TRPC4: variants seen among roughly 807,000 people sequenced by gnomAD.
TRPC4 encodes the protein short transient receptor potential channel 4.
Under a neutral mutation model 99.4 loss-of-function variants are expected in TRPC4, and 49 were observed. The ratio of observed to expected loss-of-function variants is 0.49; its 90% CI spans 0.39 to 0.63. The LOEUF (loss-of-function observed/expected upper bound fraction) is 0.63. Among genes scored for constraint, TRPC4 ranks in the 20% least tolerant of loss-of-function variants. TRPC4 has a pLI of 0.00. For missense variants in TRPC4, 898 were observed against 1,152.9 expected, an observed-to-expected ratio of 0.78 and a Z score of 3.20; for synonymous variants, 454 against 425.9, an observed-to-expected ratio of 1.07 and a Z score of -0.81.
At chr13:37,865,358 G>A (rs193135849) in intron 1 of TRPC4, among the ~76,000 whole-genome samples, 4 of 151,480 alleles carry the variant, frequency 2.6e-5, no homozygotes, top group Admixed American at 2.6e-4. Flanking sequence ...ATGGTCAAAA[G>A]GTTAGCATGA....
In TRPC4 at chr13:37,783,318, A is replaced by G. The variant is rs115933007; in HGVS notation, c.16T>C (p.Tyr6His). Residue 6 changes from tyrosine to histidine, a missense_variant, in exon 2 of 11, where the codon TAC (tyrosine) becomes CAC (histidine). This residue lies in a region of TRPC4 where 278 missense variants were observed against 346.6 expected (regional missense o/e 0.80). Transcript: ENST00000379705. The stretch of plus-strand genomic sequence containing the variant: ...TAGGGAGCATTAACATTTCTTTTGT[A>G]ATAGAACTGAGCCATGTTTCATGCC... MAQFY[Y>H]KRNVNAPYRD... 5.7e-6 allele frequency: 9 copies of G among 1,578,420 alleles called. No individual in the cohort carries two copies. Among genetic ancestry groups the G allele is most frequent in the African/African-American group, 5.5e-5 (4 of 73,168 alleles).
chr13:37,735,197 C>T (rs1333358), intron 3 of TRPC4, among the ~76,000 whole-genome samples: 53,077 of 151,824 alleles, frequency 0.35, 11,109 homozygotes, highest in Non-Finnish European at 0.48. Flanking sequence ...CTATGTCTAA[C>T]AGGGTGAGGA....
chr13:37,798,355 C>T (rs1405727315), intron 1 of TRPC4, among the ~76,000 whole-genome samples: 1 of 152,076 alleles, frequency 6.6e-6, no homozygotes, highest in Non-Finnish European at 1.5e-5. Context: ...AATTAAATTA[C>T]CCAAATCTAC....
intron 2 of TRPC4, among the ~76,000 whole-genome samples, chr13:37,768,562 C>T (rs1240165851): frequency 6.6e-6 from 1 of 151,148 alleles, no homozygotes; most frequent in African/African-American, 2.4e-5. Context: ...TGTTTAGAGT[C>T]AAGAATGAAA....
At chr13:37,780,188 A>G (rs866176622) in intron 2 of TRPC4, among the ~76,000 whole-genome samples, 5 of 152,108 alleles carry the variant, frequency 3.3e-5, no homozygotes, top group African/African-American at 1.2e-4. Flanking sequence ...GAGGATGACT[A>G]TGAAATCTTT....
chr13:37,674,443 T>A, intron 4 of TRPC4, 76 bp from the exon 5 acceptor site: 1 of 1,488,010 alleles, frequency 6.7e-7, no homozygotes. Context: ...ATTTAACAAT[T>A]ATAGATCTCG....
intron 1 of TRPC4, among the ~76,000 whole-genome samples, chr13:37,789,835 T>G (rs1957068067): frequency 1.3e-5 from 2 of 152,102 alleles, no homozygotes; most frequent in Non-Finnish European, 2.9e-5. Context: ...TCCTAAAATC[T>G]TCAGAATGGC....
intron 6 of TRPC4, among the ~76,000 whole-genome samples, chr13:37,660,446 GT>G (rs2138671715): frequency 6.6e-6 from 1 of 152,248 alleles, no homozygotes; most frequent in East Asian, 1.9e-4. Flanking sequence ...ATTGGATGAA[GT>G]TTGAGTGAGA....
At chr13:37,653,713 A>G (rs984491961) in intron 7 of TRPC4, among the ~76,000 whole-genome samples, 1 of 152,126 alleles carries the variant, frequency 6.6e-6, no homozygotes, top group Admixed American at 6.6e-5. Flanking sequence ...GCAATAAGAA[A>G]ATGTCATAAT....
chr13:37,814,843 T>C (rs1957800912), intron 1 of TRPC4, among the ~76,000 whole-genome samples: 1 of 151,796 alleles, frequency 6.6e-6, no homozygotes, highest in African/African-American at 2.4e-5. Flanking sequence ...CTCAAATGTA[T>C]AGTTAATCCA....
At position 37,703,179 on chromosome 13, in the gene TRPC4, A is replaced by T. The variant is rs191136397; in HGVS notation, c.898-10844T>A. Among the ~76,000 whole-genome samples the T allele has an allele frequency of 2.0e-5, 3 of 152,322 alleles. No individual in the cohort carries two copies. In the East Asian group the frequency reaches 5.8e-4, roughly 29 times the overall value. ...GACTAGTATAGTTGCGCTTGGTTTC[A>T]TCACGTTCCTAAGGTTGAATTATCC... On this transcript the variant is annotated intron_variant, in intron 3 of 10. Transcript: ENST00000379705.
At chr13:37,713,275 C>G (rs2147123) in intron 3 of TRPC4, among the ~76,000 whole-genome samples, 145 of 152,234 alleles carry the variant, frequency 9.5e-4, no homozygotes, top group African/African-American at 3.4e-3. Context: ...TCAGTAGTTA[C>G]AGAATTTGCA....
At chr13:37,754,245 G>A (rs551715606) in intron 2 of TRPC4, among the ~76,000 whole-genome samples, 18 of 152,010 alleles carry the variant, frequency 1.2e-4, no homozygotes, top group African/African-American at 3.4e-4. Flanking sequence ...TCTCCCATAC[G>A]CAACTCTTCC....
intron 1 of TRPC4, among the ~76,000 whole-genome samples, chr13:37,825,869 G>A (rs1267013001): frequency 6.6e-6 from 1 of 150,974 alleles, no homozygotes; most frequent in Non-Finnish European, 1.5e-5. Context: ...TGTTGACAGT[G>A]GGGTGTTAAA....
At chr13:37,721,963 C>A (rs1185557393) in intron 3 of TRPC4, among the ~76,000 whole-genome samples, 1 of 151,950 alleles carries the variant, frequency 6.6e-6, no homozygotes, top group African/African-American at 2.4e-5. Flanking sequence ...CCTCCTCAGG[C>A]ACAAAAAATC....
chr13:37,791,768 A>G (rs1249570973), intron 1 of TRPC4, among the ~76,000 whole-genome samples: 1 of 152,198 alleles, frequency 6.6e-6, no homozygotes, highest in Non-Finnish European at 1.5e-5. Context: ...ATGAACAGGG[A>G]TAGTCTCCCT....
At chr13:37,641,798 G>A (rs936321881) in intron 8 of TRPC4, among the ~76,000 whole-genome samples, 2 of 152,224 alleles carry the variant, frequency 1.3e-5, no homozygotes, top group Non-Finnish European at 2.9e-5. Flanking sequence ...TTATTTTGCA[G>A]GGTGAAGATA....
chr13:37,865,801 C>G (rs551699271), intron 1 of TRPC4, among the ~76,000 whole-genome samples: 1 of 151,666 alleles, frequency 6.6e-6, no homozygotes, highest in Non-Finnish European at 1.5e-5. Flanking sequence ...TACTTCAAAT[C>G]CTGCCTTCCC....
In TRPC4 at chr13:37,827,794, C is replaced by T. The variant is rs1262764480; in HGVS notation, c.-28+41801G>A. Among the ~76,000 whole-genome samples, 57 of 152,362 alleles carry T rather than the reference C, an allele frequency of 3.7e-4. No homozygotes were observed. In the East Asian group the frequency reaches 0.011, roughly 29 times the overall value. On this transcript the variant is annotated intron_variant, in intron 1 of 10. Transcript: ENST00000379705. ...GCAGGCCTCCTTGAGCTGTGGTGGG[C>T]TCCACCCAGTTCCAGCTTCCCAGCT... is the stretch of plus-strand genomic sequence containing the variant.
Sources: gnomAD v4.1 joint callset for allele counts (sites outside exome capture counted in the v4.1 genomes callset) on GRCh38, gnomAD v4.1.1 for gene constraint, gnomAD v4.1.1 regional missense constraint, MANE v1.5 for transcripts, NCBI Gene and HGNC (gene_info 2026-07-23, HGNC 2026-07-21) for gene names.